The following COL27A1 variants were observed in gnomAD, a reference collection of about 807,000 sequenced individuals.
COL27A1 encodes the protein collagen alpha-1(XXVII) chain.
In COL27A1, 106 loss-of-function variants were observed where a neutral mutation model predicts 251.3. The ratio of observed to expected loss-of-function variants is 0.42; its 90% CI spans 0.36 to 0.50. The LOEUF (loss-of-function observed/expected upper bound fraction) is 0.50, where lower values mean the gene tolerates loss of function less well. Ranked by LOEUF, COL27A1 falls within the 20% of genes least tolerant of loss-of-function variation. The pLI, the probability that COL27A1 is intolerant of heterozygous loss-of-function variation, is 0.00. For synonymous variants in COL27A1, 1,000 were observed against 986.3 expected (o/e 1.01, Z -0.26); for missense variants, 2,325 against 2,522.8 (o/e 0.92, Z 1.68).
In COL27A1 at chr9:114,301,693, C is replaced by T. The variant is rs781074990; in HGVS notation, c.4821C>T (p.Gly1607=). The T allele has an allele frequency of 5.0e-6, 8 of 1,611,416 alleles. No homozygotes were observed. In the South Asian group the frequency reaches 8.8e-5, roughly 18 times the overall value. ...WGLQGPRGPP[G]PRGRPGPPGP... ...TCTTGTTCCCCCAGGGTCCTCCCGGCCCCAGAGGGCGGCCCGGCCCCCCGG... is the reference window on the plus strand; with the variant it reads ...TCTTGTTCCCCCAGGGTCCTCCCGGTCCCAGAGGGCGGCCCGGCCCCCCGG... Residue 1607 remains glycine, a synonymous_variant, in exon 55 of 61, where the codon GGC becomes GGT. Transcript: ENST00000356083.
chr9:114,302,663 G>A (rs1426503351), intron 56 of COL27A1, among the ~76,000 whole-genome samples: 2 of 150,322 alleles, frequency 1.3e-5, no homozygotes, highest in Non-Finnish European at 1.5e-5. Context: ...AGCCAAGATC[G>A]AGCCACTGCA....
At position 114,198,979 on chromosome 9, in the gene COL27A1, T is replaced by C. The variant is rs59757560; in HGVS notation, c.2124+2967T>C. Among the ~76,000 whole-genome samples, 1,186 of 152,268 alleles carry C rather than the reference T, an allele frequency of 7.8e-3. 17 individuals carry two copies. Among genetic ancestry groups the C allele is most frequent in the African/African-American group, 0.025 (1,035 of 41,528 alleles). On this transcript the variant is annotated intron_variant, in intron 7 of 60. Coordinates refer to ENST00000356083, the MANE Select transcript of COL27A1 (RefSeq NM_032888.4). ...GGCTGGCACTTTGTATGTATTTGTG[T>C]GATGAATAAATAATGATCATGATGA...
chr9:114,170,736 G>A (rs1000052829), intron 3 of COL27A1, among the ~76,000 whole-genome samples: 10 of 152,214 alleles, frequency 6.6e-5, no homozygotes, highest in African/African-American at 1.4e-4. Context: ...TCTGAAATTG[G>A]CAGCGTAGAG....
chr9:114,289,110 T>G, intron 44 of COL27A1, 132 bp from the exon 45 acceptor site: 1 of 1,383,950 alleles, frequency 7.2e-7, no homozygotes, highest in Non-Finnish European at 9.9e-7. Flanking sequence ...TCTCCTGCCC[T>G]GACCCTGGGG....
intron 25 of COL27A1, 38 bp downstream of exon 25, chr9:114,250,706 CT>C: frequency 6.3e-7 from 1 of 1,589,972 alleles, no homozygotes; most frequent in Non-Finnish European, 8.6e-7. Flanking sequence ...ACAATTAGAG[CT>C]TGTGTTTTGA....
chr9:114,167,707 G>C lies in COL27A1; in HGVS notation c.152G>C (p.Arg51Pro). The change falls in exon 3 of 61, where the codon CGG becomes CCG. Residue 51 changes from arginine to proline, a missense_variant. Arg to Pro is a moderately radical substitution (Grantham distance 103, BLOSUM62 -2). Transcript: ENST00000356083. ...GAPEDVDILQ[R>P]LGLSWTKAGS... is the part of the protein sequence containing the mutation. The stretch of plus-strand genomic sequence containing the variant: ...CTCTCAGATGTGGACATCCTCCAGC[G>C]GCTGGGCCTCAGCTGGACGAAGGCC... 4 of 1,611,908 alleles carry C rather than the reference G, an allele frequency of 2.5e-6. No homozygotes were observed. Among genetic ancestry groups the C allele is most frequent in the Non-Finnish European group, 2.5e-6 (3 of 1,178,526 alleles).
intron 60 of COL27A1, among the ~76,000 whole-genome samples, chr9:114,310,245 A>ATAT (rs987744982): frequency 2.6e-5 from 4 of 151,952 alleles, no homozygotes; most frequent in African/African-American, 9.7e-5. Context: ...TAAATTAAAA[A>ATAT]ATATATATAT....
Position 114,209,693 on chromosome 9 carries a change from G to A in COL27A1, c.2287G>A (p.Gly763Arg). 6.2e-7 allele frequency: 1 copy of A among 1,614,170 alleles called. No individual in the cohort carries two copies. The highest frequency in any genetic ancestry group is 8.5e-7 in the Non-Finnish European group (1 of 1,180,016). Reference protein sequence around the residue: ...KGSRGYIGLPGLFGLPGSDGE... With the variant: ...KGSRGYIGLPRLFGLPGSDGE... ...TTCCTAGGGCTACATTGGGCTCCCA[G>A]GGCTCTTCGGCCTGCCAGGGTCTGA... The change falls in exon 11 of 61, where the codon GGG becomes AGG. Residue 763 changes from glycine (G) to arginine (R), a missense_variant. Gly to Arg is a moderately radical substitution (Grantham distance 125). Coordinates refer to ENST00000356083, the MANE Select transcript of COL27A1 (RefSeq NM_032888.4).
In COL27A1 at chr9:114,219,891, C is replaced by G. The variant is rs755230835; in HGVS notation, c.2421+47C>G. ...GAACAGGAGCGAGATTCTGAGTGAA[C>G]ACACAGCAGATTTTAGGAGCCCACG... On this transcript the variant is annotated intron_variant, in intron 13 of 60. Coordinates refer to ENST00000356083, the MANE Select transcript of COL27A1 (RefSeq NM_032888.4). 14 of 1,427,174 alleles carry G rather than the reference C, an allele frequency of 9.8e-6. No individual in the cohort carries two copies. The Admixed American group carries it at 2.2e-4, about 22-fold the overall frequency. The allele number at this position is 1,427,174 out of a possible 1,614,324, so 88.4% of individuals were successfully genotyped here. A position where few individuals can be genotyped will look rare whatever the true frequency, so the allele number is the denominator to read the frequency against.
chr9:114,261,141 C>T (rs925840329), intron 28 of COL27A1, among the ~76,000 whole-genome samples: 2 of 152,214 alleles, frequency 1.3e-5, no homozygotes, highest in African/African-American at 4.8e-5. Context: ...GGTGGCAGCA[C>T]GTGATGGTGT....
chr9:114,162,068 C>T (rs1368540498), intron 1 of COL27A1, among the ~76,000 whole-genome samples: 3 of 152,316 alleles, frequency 2.0e-5, no homozygotes, highest in Non-Finnish European at 2.9e-5. Context: ...CAGGTTTGCA[C>T]GTGGCTCTGT....
At chr9:114,275,190 G>A (rs1304522170) in intron 36 of COL27A1, among the ~76,000 whole-genome samples, 1 of 152,048 alleles carries the variant, frequency 6.6e-6, no homozygotes, top group Non-Finnish European at 1.5e-5. Context: ...CTTGAGCCCA[G>A]GAGGTCGAGG....
At chr9:114,222,323 G>A (rs1564487810) in intron 14 of COL27A1, 56 bp downstream of exon 14, 3 of 1,529,172 alleles carry the variant, frequency 2.0e-6, no homozygotes, top group East Asian at 2.3e-5. Context: ...TCAGGGTGGA[G>A]CCAGCGTGTG....
At chr9:114,197,721 G>T (rs947146124) in intron 7 of COL27A1, among the ~76,000 whole-genome samples, 14 of 152,240 alleles carry the variant, frequency 9.2e-5, no homozygotes, top group Admixed American at 6.5e-4. Flanking sequence ...GCAGGGAGAG[G>T]CAGCTTCTCC....
chr9:114,198,206 G>C (rs1480340272), intron 7 of COL27A1, among the ~76,000 whole-genome samples: 1 of 152,178 alleles, frequency 6.6e-6, no homozygotes, highest in Non-Finnish European at 1.5e-5. Context: ...TATTTAACAA[G>C]AATTATTGAA....
At position 114,300,137 on chromosome 9, in the gene COL27A1, C is replaced by G. The variant is rs202121249; in HGVS notation, c.4638+14C>G. On this transcript the variant is annotated intron_variant, in intron 50 of 60. Coordinates refer to ENST00000356083, the MANE Select transcript of COL27A1 (RefSeq NM_032888.4). ...TTCGGACCCAAGGTATGGACTCCCA[C>G]GGCTCACTGTTCCTGTGGGGTCCCA... The G allele has an allele frequency of 7.4e-6, 12 of 1,612,976 alleles. No individual in the cohort carries two copies. In the African/African-American group the frequency reaches 1.5e-4, roughly 20 times the overall value.
At chr9:114,222,749 C>T (rs754853557) in intron 14 of COL27A1, among the ~76,000 whole-genome samples, 1 of 152,120 alleles carries the variant, frequency 6.6e-6, no homozygotes, top group Non-Finnish European at 1.5e-5. Flanking sequence ...AGCCAGACCA[C>T]CTAGGTTCAA....
At chr9:114,207,140 G>T (rs1391346978) in intron 10 of COL27A1, among the ~76,000 whole-genome samples, 1 of 152,230 alleles carries the variant, frequency 6.6e-6, no homozygotes, top group Non-Finnish European at 1.5e-5. Flanking sequence ...GAATGCTCAG[G>T]AAGGGGGTCA....
At chr9:114,279,830 G>T (rs1389478185) in intron 37 of COL27A1, among the ~76,000 whole-genome samples, 1 of 152,110 alleles carries the variant, frequency 6.6e-6, no homozygotes, top group Non-Finnish European at 1.5e-5. Flanking sequence ...TCCAGCCTGG[G>T]CAACAGAGAG....
Sources: gnomAD v4.1 joint callset for allele counts (sites outside exome capture counted in the v4.1 genomes callset) on GRCh38, gnomAD v4.1.1 for gene constraint, MANE v1.5 for transcripts, NCBI Gene and HGNC (gene_info 2026-07-23, HGNC 2026-07-21) for gene names.